SMYD3: variants seen among roughly 807,000 people sequenced by gnomAD.
SMYD3 encodes SET and MYND domain containing 3.
SMYD3 carries 36 observed loss-of-function variants against 57.7 expected under a neutral mutation model. That is an observed-to-expected ratio of 0.62 (90% CI 0.48 to 0.82). The LOEUF is 0.82. Ranked by LOEUF, SMYD3 falls within the 40% of genes least tolerant of loss-of-function variation. The probability of loss-of-function intolerance (pLI) is 0.00; values close to 1 mark genes in which losing one functional copy is unlikely to be tolerated. For synonymous variants in SMYD3, 211 were observed against 195.0 expected (o/e 1.08, Z -0.68); for missense variants, 515 against 538.8 (o/e 0.96, Z 0.44).
At chr1:246,161,940 G>T (rs1553302932) in intron 5 of SMYD3, among the ~76,000 whole-genome samples, 1 of 152,110 alleles carries the variant, frequency 6.6e-6, no homozygotes, top group Non-Finnish European at 1.5e-5. Flanking sequence ...TTGCAAGAGG[G>T]TAAAAAAAAT....
In SMYD3 at chr1:246,440,055, C is replaced by T. The variant is rs557084521; in HGVS notation, c.164+66999G>A. ...TATATCCATTAGCCTGTGGTAAAAT[C>T]GGTTTCGTTAGAAGTCATTTTGCTT... On this transcript the variant is annotated intron_variant, in intron 1 of 11. Coordinates refer to ENST00000490107, the MANE Select transcript of SMYD3 (RefSeq NM_001167740.2). 1.7e-3 allele frequency among the ~76,000 whole-genome samples: 258 copies of T among 152,220 alleles called. 1 individual carries two copies. The highest frequency in any genetic ancestry group is 4.1e-3 in the Admixed American group (62 of 15,290).
intron 8 of SMYD3, among the ~76,000 whole-genome samples, chr1:245,871,125 G>C (rs983176589): frequency 2.6e-5 from 4 of 152,188 alleles, no homozygotes; most frequent in Admixed American, 6.5e-5. Flanking sequence ...GTCTTAAACG[G>C]AAGAAAGGTT....
At chr1:245,998,152 C>T (rs1890327) in intron 5 of SMYD3, among the ~76,000 whole-genome samples, 121,721 of 152,138 alleles carry the variant, frequency 0.8, 50,354 homozygotes, top group Non-Finnish European at 0.89. Context: ...GCTCACAGTG[C>T]TTCATCAAAA....
chr1:245,750,363 T>C (rs996894594), intron 11 of SMYD3, among the ~76,000 whole-genome samples: 1 of 152,142 alleles, frequency 6.6e-6, no homozygotes, highest in African/African-American at 2.4e-5. Flanking sequence ...CCAAGCCACA[T>C]AGAGGGAGGC....
rs58293193 is a variant in SMYD3 at position 246,420,196 on chromosome 1, C to CAA, written c.165-65104_165-65103dup. Among the ~76,000 whole-genome samples, 150 of 112,570 alleles carry CAA rather than the reference C, an allele frequency of 1.3e-3. 2 individuals carry two copies. The East Asian group carries it at 0.023, about 18-fold the overall frequency. The allele number at this position is 112,570 out of a possible 152,430, so 73.9% of individuals were successfully genotyped here. On this transcript the variant is annotated intron_variant, in intron 1 of 11. Transcript: ENST00000490107. ...CCTGGGCGACAGAGCAAGACTGTCT[C>CAA]AAAAAAAAAAAAAAAGTCTGTCATG...
chr1:246,411,742 G>T (rs150887800), intron 1 of SMYD3, among the ~76,000 whole-genome samples: 1 of 149,454 alleles, frequency 6.7e-6, no homozygotes, highest in African/African-American at 2.5e-5. Context: ...ACCAAACACC[G>T]CATGTTCTCG....
chr1:246,305,386 C>A (rs1014151543), intron 5 of SMYD3, among the ~76,000 whole-genome samples: 13 of 152,126 alleles, frequency 8.5e-5, no homozygotes, highest in African/African-American at 3.1e-4. Context: ...CAATGTAACA[C>A]AAATCATCTT....
chr1:246,478,270 GAAGTA>G (rs1228106103), intron 1 of SMYD3, among the ~76,000 whole-genome samples: 1 of 152,256 alleles, frequency 6.6e-6, no homozygotes, highest in Non-Finnish European at 1.5e-5. Flanking sequence ...CCTAAAAGTA[GAAGTA>G]AATACTAAGG....
At chr1:246,186,941 G>T in intron 5 of SMYD3, 3 of 985,062 alleles carry the variant, frequency 3.0e-6, no homozygotes, top group Non-Finnish European at 3.6e-6. Flanking sequence ...TTTTCGCTGT[G>T]ACTGAAGAGA....
rs1572661128 is a variant in SMYD3 at position 245,910,668 on chromosome 1, A to C, written c.813+4862T>G. ...TTCAAGAAAGTCATCAAGAAAATAC[A>C]TTGAGAAAGGAAAATCTAGATAGCC... On this transcript the variant is annotated intron_variant, in intron 8 of 11. Transcript: ENST00000490107. Among the ~76,000 whole-genome samples, 3 of 152,256 alleles carry C rather than the reference A, an allele frequency of 2.0e-5. No individual in the cohort carries two copies. In the Middle Eastern group the frequency reaches 0.01, roughly 518 times the overall value.
At chr1:246,443,949 A>G (rs6426301) in intron 1 of SMYD3, among the ~76,000 whole-genome samples, 21,211 of 151,996 alleles carry the variant, frequency 0.14, 4,899 homozygotes, top group African/African-American at 0.48. Context: ...TGCCTTCCCT[A>G]TAAACCCTCC....
chr1:246,010,530 A>AC (rs1264844260), intron 5 of SMYD3, among the ~76,000 whole-genome samples: 3 of 152,222 alleles, frequency 2.0e-5, no homozygotes, highest in Non-Finnish European at 4.4e-5. Flanking sequence ...TTACTTAAAA[A>AC]TGAGTGTTTG....
intron 5 of SMYD3, among the ~76,000 whole-genome samples, chr1:246,002,264 A>G (rs998504627): frequency 2.2e-5 from 3 of 137,648 alleles, no homozygotes; most frequent in South Asian, 2.5e-4. Context: ...GGCTCACTGC[A>G]AGCTCCGCCT....
intron 5 of SMYD3, among the ~76,000 whole-genome samples, chr1:246,033,414 A>G (rs1411498633): frequency 6.6e-6 from 1 of 152,242 alleles, no homozygotes; most frequent in African/African-American, 2.4e-5. Context: ...AGGAAAGTGA[A>G]TGTATCTATA....
At chr1:246,429,229 A>G (rs2067264701) in intron 1 of SMYD3, among the ~76,000 whole-genome samples, 1 of 152,052 alleles carries the variant, frequency 6.6e-6, no homozygotes, top group African/African-American at 2.4e-5. Flanking sequence ...TAGAAGCCAC[A>G]CTGTCCACTG....
At chr1:245,907,799 G>A (rs1233159496) in intron 8 of SMYD3, among the ~76,000 whole-genome samples, 1 of 152,128 alleles carries the variant, frequency 6.6e-6, no homozygotes, top group Non-Finnish European at 1.5e-5. Context: ...ATCTAACTAT[G>A]TGCTGCCTAC....
intron 1 of SMYD3, chr1:246,483,848 C>A (rs2068145772): frequency 2.0e-5 from 3 of 152,144 alleles, no homozygotes; most frequent in African/African-American, 7.2e-5. Flanking sequence ...TGGTTAATTC[C>A]AAATAATGTT....
chr1:246,232,148 T>C (rs1282399418), intron 5 of SMYD3, among the ~76,000 whole-genome samples: 1 of 97,088 alleles, frequency 1.0e-5, no homozygotes, highest in Non-Finnish European at 2.1e-5. Flanking sequence ...ATAAATCCAA[T>C]GGAAGCTCTT....
intron 10 of SMYD3, among the ~76,000 whole-genome samples, chr1:245,806,810 T>C (rs1268167615): frequency 6.8e-6 from 1 of 146,324 alleles, no homozygotes; most frequent in African/African-American, 2.6e-5. Flanking sequence ...CTCGGGAGGC[T>C]GAGGCAGGAG....
Sources: allele counts gnomAD v4.1 joint callset (sites outside exome capture counted in the v4.1 genomes callset), GRCh38; gene constraint gnomAD v4.1.1; transcripts MANE v1.5; gene names NCBI Gene and HGNC (gene_info 2026-07-23, HGNC 2026-07-21).